Variants in SENP8 observed in about 807,000 individuals in gnomAD.
SENP8 encodes the protein sentrin-specific protease 8.
SENP8 carries 10 observed loss-of-function variants against 14.4 expected under a neutral mutation model. That is an observed-to-expected ratio of 0.69 (90% CI 0.43 to 1.18). The LOEUF (loss-of-function observed/expected upper bound fraction) is 1.18, where lower values mean the gene tolerates loss of function less well. Ranked by LOEUF, SENP8 falls within the 50% of genes most tolerant of loss-of-function variation. The probability of loss-of-function intolerance (pLI) is 0.00; values close to 1 mark genes in which losing one functional copy is unlikely to be tolerated. For synonymous variants in SENP8, 94 were observed against 95.5 expected (o/e 0.98, Z 0.09); for missense variants, 202 against 249.4 (o/e 0.81, Z 1.28).
At chr15:72,137,807 C>T (rs1173153432) in intron 1 of SENP8, among the ~76,000 whole-genome samples, 2 of 151,982 alleles carry the variant, frequency 1.3e-5, no homozygotes, top group East Asian at 1.9e-4. Flanking sequence ...CCCGTCTCTA[C>T]TAAAAATACA....
At chr15:72,125,147 T>C (rs1224281923) in intron 1 of SENP8, among the ~76,000 whole-genome samples, 2 of 152,178 alleles carry the variant, frequency 1.3e-5, no homozygotes, top group African/African-American at 4.8e-5. Context: ...TTAAGTTAAA[T>C]TTCTTAAAGT....
chr15:72,143,540 T>C lies in SENP8; in HGVS notation c.*3278T>C, dbSNP rs944768849. On this transcript the variant is annotated 3_prime_UTR_variant, in exon 2 of 2. Coordinates refer to ENST00000340912, the MANE Select transcript of SENP8 (RefSeq NM_145204.4). ...TATTACACAAGTACCTTGCATATTA[T>C]ATATGCATCATTATATATATTACCA... is the stretch of plus-strand genomic sequence containing the variant. 21 of 152,218 alleles carry C rather than the reference T, an allele frequency of 1.4e-4. No homozygotes were observed. Among genetic ancestry groups the C allele is most frequent in the African/African-American group, 4.3e-4 (18 of 41,456 alleles). 9.4% of individuals were successfully genotyped at this position (152,218 alleles called of 1,614,324 possible).
chr15:72,116,062 A>G (rs2080962908), upstream of SENP8, among the ~76,000 whole-genome samples: 1 of 152,244 alleles, frequency 6.6e-6, no homozygotes, highest in African/African-American at 2.4e-5. Flanking sequence ...ATTTGTGTAC[A>G]GTGTCTTAAA....
chr15:72,139,769 A>T lies in SENP8; in HGVS notation c.146A>T (p.Asp49Val). The change falls in exon 2 of 2, where the codon GAT becomes GTT. Residue 49 changes from aspartate (D) to valine (V), a missense_variant. Physicochemically the swap from Asp to Val is radical, Grantham distance 152 (BLOSUM62 -3). Transcript: ENST00000340912. ...AACAGTCAGTTTCATGACTGCTCTG[A>T]TCACGTCAGTTTCATCAGCCCTGAA... ...FANSQFHDCS[D>V]HVSFISPEVT... The T allele has an allele frequency of 6.2e-7, 1 of 1,614,142 alleles. No individual in the cohort carries two copies. Among genetic ancestry groups the T allele is most frequent in the South Asian group, 1.1e-5 (1 of 91,070 alleles).
At chr15:72,135,055 TTTTG>T in intron 1 of SENP8, 1 of 312,874 alleles carries the variant, frequency 3.2e-6, no homozygotes. Context: ...AAGCACACTT[TTTTG>T]TTTGTTTTTT....
intron 1 of SENP8, among the ~76,000 whole-genome samples, chr15:72,133,166 C>T (rs957044252): frequency 7.9e-5 from 12 of 152,138 alleles, no homozygotes; most frequent in African/African-American, 2.7e-4. Flanking sequence ...GTGAGACTCA[C>T]CTCAAAACAA....
chr15:72,134,735 G>A (rs542538064), intron 1 of SENP8: 17 of 227,758 alleles, frequency 7.5e-5, no homozygotes, highest in African/African-American at 1.6e-4. Flanking sequence ...ATGTATATGC[G>A]AATCTATAAG....
intron 1 of SENP8, among the ~76,000 whole-genome samples, chr15:72,126,971 G>C (rs2081226808): frequency 6.6e-6 from 1 of 152,178 alleles, no homozygotes; most frequent in African/African-American, 2.4e-5. Flanking sequence ...TAGGAAATTA[G>C]ATTAGAAGTG....
chr15:72,121,642 AGGAT>A (rs1481728985), intron 1 of SENP8, among the ~76,000 whole-genome samples: 1 of 151,842 alleles, frequency 6.6e-6, no homozygotes, highest in Admixed American at 6.6e-5. Flanking sequence ...CTGAAGCAGG[AGGAT>A]TACATGAGCC....
At chr15:72,135,750 A>G (rs2081321817) in intron 1 of SENP8, among the ~76,000 whole-genome samples, 1 of 152,242 alleles carries the variant, frequency 6.6e-6, no homozygotes, top group South Asian at 2.1e-4. Flanking sequence ...CAGACAAAAC[A>G]CAAAAACTAT....
chr15:72,121,191 G>C (rs1396426890), intron 1 of SENP8, among the ~76,000 whole-genome samples: 1 of 152,166 alleles, frequency 6.6e-6, no homozygotes, highest in Non-Finnish European at 1.5e-5. Flanking sequence ...GTATATGTCT[G>C]TGAGAGTAAT....
rs1236896770 is a variant in SENP8 at position 72,142,034 on chromosome 15, C to G, written c.*1772C>G. On this transcript the variant is annotated 3_prime_UTR_variant, in exon 2 of 2. Coordinates refer to ENST00000340912, the MANE Select transcript of SENP8 (RefSeq NM_145204.4). The stretch of plus-strand genomic sequence containing the variant: ...ATTTAAATATCAGAGTATCTTCAAT[C>G]TGAGAATTAAAGCATATGAAAGCAA... 1.3e-5 allele frequency: 2 copies of G among 152,160 alleles called. No individual in the cohort carries two copies. The highest frequency in any genetic ancestry group is 4.8e-5 in the African/African-American group (2 of 41,446). 9.4% of individuals were successfully genotyped at this position (152,160 alleles called of 1,614,324 possible).
chr15:72,120,958 A>G (rs1243191888), intron 1 of SENP8, among the ~76,000 whole-genome samples: 4 of 152,264 alleles, frequency 2.6e-5, no homozygotes, highest in Admixed American at 6.5e-5. Flanking sequence ...GAACCCTGAT[A>G]TTCTAGCCAC....
chr15:72,116,095 T>C (rs1202076755), upstream of SENP8, among the ~76,000 whole-genome samples: 1 of 152,222 alleles, frequency 6.6e-6, no homozygotes, highest in Non-Finnish European at 1.5e-5. Context: ...TAGGTTTATA[T>C]ATTGGAAATA....
At position 72,142,951 on chromosome 15, in the gene SENP8, C is replaced by G. The variant is rs1399864424; in HGVS notation, c.*2689C>G. ...ATGGCTCATGCCTGTAATCCCAGGA[C>G]TTTGGGAGGCCAAGGCAGGCAGATC... On this transcript the variant is annotated 3_prime_UTR_variant, in exon 2 of 2. Transcript: ENST00000340912. 1 of 152,366 alleles carries G rather than the reference C, an allele frequency of 6.6e-6. No individual in the cohort carries two copies. The highest frequency in any genetic ancestry group is 6.5e-5 in the Admixed American group (1 of 15,276). The allele number at this position is 152,366 out of a possible 1,614,324, so 9.4% of individuals were successfully genotyped here.
rs879374169 is a variant in SENP8, at chr15:72,129,679, A to AT, written c.-47-9886dup. Among the ~76,000 whole-genome samples the AT allele has an allele frequency of 3.2e-3, 449 of 139,172 alleles. 4 individuals carry two copies. Among genetic ancestry groups the AT allele is most frequent in the African/African-American group, 9.8e-3 (373 of 38,062 alleles). The allele number at this position is 139,172 out of a possible 152,430, so 91.3% of individuals were successfully genotyped here. On this transcript the variant is annotated intron_variant, in intron 1 of 1. Coordinates refer to ENST00000340912, the MANE Select transcript of SENP8 (RefSeq NM_145204.4). ...GGCATGAGCCACTGCGTCTGGCCACATTTTTTTTTTTTAATTAGCCAGGTG... is the reference window on the plus strand; with the variant it reads ...GGCATGAGCCACTGCGTCTGGCCACATTTTTTTTTTTTTAATTAGCCAGGTG...
At chr15:72,124,006 C>G (rs766136770) in intron 1 of SENP8, among the ~76,000 whole-genome samples, 2 of 152,180 alleles carry the variant, frequency 1.3e-5, no homozygotes, top group African/African-American at 2.4e-5. Flanking sequence ...TCCTTGGCCC[C>G]AGACAGAATA....
chr15:72,129,098 C>T (rs778041059), intron 1 of SENP8, among the ~76,000 whole-genome samples: 3 of 152,082 alleles, frequency 2.0e-5, no homozygotes, highest in African/African-American at 4.8e-5. Flanking sequence ...TGCTGTATGC[C>T]ATATAAAATC....
intron 1 of SENP8, chr15:72,134,943 A>T (rs548591536): frequency 2.0e-5 from 6 of 299,426 alleles, no homozygotes; most frequent in South Asian, 1.6e-4. Context: ...GAGAACAGAG[A>T]TAGCTTCCTG....
Sources: gnomAD v4.1 joint callset for allele counts (sites outside exome capture counted in the v4.1 genomes callset) on GRCh38, gnomAD v4.1.1 for gene constraint, MANE v1.5 for transcripts, NCBI Gene and HGNC (gene_info 2026-07-23, HGNC 2026-07-21) for gene names.